Variants in ODAD2 observed in about 807,000 individuals in gnomAD.
The protein encoded by ODAD2 is outer dynein arm-docking complex subunit 2.
Under a neutral mutation model 106.8 loss-of-function variants are expected in ODAD2, and 89 were observed. The observed-to-expected ratio is 0.83, with a 90% CI of 0.70 to 0.99. The LOEUF (loss-of-function observed/expected upper bound fraction) is 0.99. Ranked by LOEUF, ODAD2 falls within the 50% of genes least tolerant of loss-of-function variation. The pLI, the probability that ODAD2 is intolerant of heterozygous loss-of-function variation, is 0.00. For missense variants in ODAD2, 1,168 were observed against 1,238.5 expected (o/e 0.94, Z 0.85); for synonymous variants, 404 against 436.2 (o/e 0.93, Z 0.92).
chr10:27,885,703 T>TTATATATTATATATAA (rs1842111083), intron 17 of ODAD2, among the ~76,000 whole-genome samples: 2 of 51,332 alleles, frequency 3.9e-5, no homozygotes, highest in Non-Finnish European at 7.1e-5. Flanking sequence ...ATAATATATA[T>TTATATATTATATATAA]AAAATATATA....
intron 17 of ODAD2, among the ~76,000 whole-genome samples, chr10:27,876,314 C>A (rs539360420): frequency 6.6e-6 from 1 of 152,272 alleles, no homozygotes; most frequent in East Asian, 1.9e-4. Context: ...CAGACTGACA[C>A]CCCACACTGC....
chr10:27,983,821 A>C, intron 6 of ODAD2, 22 bp downstream of exon 6: 1 of 1,610,564 alleles, frequency 6.2e-7, no homozygotes, highest in Non-Finnish European at 8.5e-7. Flanking sequence ...GGCTTTAGTT[A>C]CGTTTTTAAA....
intron 17 of ODAD2, among the ~76,000 whole-genome samples, chr10:27,869,518 CT>C (rs1252337670): frequency 7.0e-6 from 1 of 142,178 alleles, no homozygotes; most frequent in African/African-American, 2.6e-5. Flanking sequence ...GACTAAGTCA[CT>C]TTTTTTTCTT....
chr10:27,941,883 G>A (rs537455418), intron 12 of ODAD2, among the ~76,000 whole-genome samples: 36 of 152,226 alleles, frequency 2.4e-4, no homozygotes, highest in Middle Eastern at 3.4e-3. Context: ...GGGAATAATA[G>A]CCTAGGCTAG....
At position 27,940,784 on chromosome 10, in the gene ODAD2, G is replaced by A; in HGVS notation, c.1765C>T (p.His589Tyr). Reference protein sequence around the residue: ...TKLVALLDCAHDSTKPAQSSL... With the variant: ...TKLVALLDCAYDSTKPAQSSL... The stretch of plus-strand genomic sequence containing the variant: ...GATTGGGCAGGTTTTGTGGAATCAT[G>A]TGCACAGTCTAGTAGAGCAACCTAT... Residue 589 changes from histidine to tyrosine, a missense_variant, in exon 13 of 20, where the codon CAT (histidine) becomes TAT (tyrosine). Around this residue, in one of 3 missense-constraint regions of ODAD2, gnomAD observed 701 missense variants for 712.3 expected, o/e 0.98. Coordinates refer to ENST00000305242, the MANE Select transcript of ODAD2 (RefSeq NM_018076.5). The A allele has an allele frequency of 1.9e-6, 3 of 1,614,032 alleles. No homozygotes were observed. Among genetic ancestry groups the A allele is most frequent in the Non-Finnish European group, 2.5e-6 (3 of 1,179,952 alleles).
At chr10:27,971,075 T>G in intron 8 of ODAD2, 33 bp downstream of exon 8, 1 of 1,458,988 alleles carries the variant, frequency 6.9e-7, no homozygotes, top group Non-Finnish European at 9.6e-7. Flanking sequence ...TTACTAATGC[T>G]GCATCTGAAA....
intron 19 of ODAD2, among the ~76,000 whole-genome samples, chr10:27,827,064 A>T (rs1031010422): frequency 2.0e-5 from 3 of 152,154 alleles, no homozygotes; most frequent in African/African-American, 7.2e-5. Context: ...ACTTTTCAAT[A>T]ACACTTGTCC....
intron 19 of ODAD2, among the ~76,000 whole-genome samples, chr10:27,829,992 T>A (rs1430377394): frequency 1.3e-5 from 2 of 152,098 alleles, no homozygotes; most frequent in Admixed American, 1.3e-4. Context: ...AAAACTTAAT[T>A]CTTCTATGAA....
intron 7 of ODAD2, among the ~76,000 whole-genome samples, chr10:27,979,970 C>G (rs1462201571): frequency 6.6e-6 from 1 of 152,086 alleles, no homozygotes. Flanking sequence ...ACTATTATAA[C>G]TAAAAGAAAG....
At chr10:27,966,820 G>C (rs1848516091) in intron 9 of ODAD2, among the ~76,000 whole-genome samples, 1 of 151,828 alleles carries the variant, frequency 6.6e-6, no homozygotes, top group African/African-American at 2.4e-5. Context: ...AGATGAAGTA[G>C]ATATACTTTT....
chr10:27,880,140 C>T (rs917651595), intron 17 of ODAD2, among the ~76,000 whole-genome samples: 2 of 152,156 alleles, frequency 1.3e-5, no homozygotes, highest in African/African-American at 2.4e-5. Flanking sequence ...ATCCCTGTAT[C>T]TTTAACAAGT....
chr10:27,930,837 G>A (rs1162501593), intron 16 of ODAD2, among the ~76,000 whole-genome samples: 6 of 152,078 alleles, frequency 3.9e-5, no homozygotes, highest in Non-Finnish European at 8.8e-5. Context: ...TTGTCATTTA[G>A]TTTTGAGCAT....
chr10:27,998,785 AC>A (rs2133259586), intron 1 of ODAD2, among the ~76,000 whole-genome samples: 1 of 151,832 alleles, frequency 6.6e-6, no homozygotes, highest in South Asian at 2.1e-4. Context: ...GAGCGTGGAG[AC>A]CCCCAGCCGC....
chr10:27,988,415 G>A (rs377223404), intron 2 of ODAD2, among the ~76,000 whole-genome samples: 73 of 147,552 alleles, frequency 4.9e-4, no homozygotes, highest in African/African-American at 1.7e-3. Flanking sequence ...TCGGGTCACT[G>A]CAACCTCTGC....
chr10:27,882,509 A>G (rs1841814888), intron 17 of ODAD2, among the ~76,000 whole-genome samples: 2 of 152,208 alleles, frequency 1.3e-5, no homozygotes, highest in South Asian at 4.1e-4. Context: ...TCCATAACAA[A>G]AAGAACACAG....
At chr10:27,905,446 G>C (rs1355239285) in intron 17 of ODAD2, among the ~76,000 whole-genome samples, 1 of 152,100 alleles carries the variant, frequency 6.6e-6, no homozygotes, top group Non-Finnish European at 1.5e-5. Context: ...ACTGCCCAAA[G>C]TAATTTATAG....
chr10:27,946,224 C>A (rs6481496), intron 10 of ODAD2, among the ~76,000 whole-genome samples: 19,204 of 146,582 alleles, frequency 0.13, 1,649 homozygotes, highest in African/African-American at 0.25. Context: ...TAAAAAATAC[C>A]AATATAAAAA....
At chr10:27,894,815 C>G (rs1471934282) in intron 17 of ODAD2, among the ~76,000 whole-genome samples, 1 of 152,066 alleles carries the variant, frequency 6.6e-6, no homozygotes, top group Non-Finnish European at 1.5e-5. Flanking sequence ...ATCCTCCCCA[C>G]TTGGCCTCTC....
In ODAD2 at chr10:27,981,548, T is replaced by C. The variant is rs765707922; in HGVS notation, c.854A>G (p.Glu285Gly). 1 of 1,542,720 alleles carries C rather than the reference T, an allele frequency of 6.5e-7. No individual in the cohort carries two copies. Among genetic ancestry groups the C allele is most frequent in the Admixed American group, 2.5e-5 (1 of 39,778 alleles). ...KTDDEGDVNY[E>G]RKGSIYKNLV... ...GTTTTTATAAATTGAACCTTTTCTC[T>C]CATAATTAACGTCCCCTTCATCATC... The change falls in exon 7 of 20, where the codon GAG becomes GGG. Residue 285 changes from glutamate (E) to glycine (G), a missense_variant. Physicochemically the swap from Glu to Gly is moderately conservative, Grantham distance 98. This residue lies in a region of ODAD2 where 430 missense variants were observed against 452.2 expected (regional missense o/e 0.95). Coordinates refer to ENST00000305242, the MANE Select transcript of ODAD2 (RefSeq NM_018076.5).
Sources: allele counts gnomAD v4.1 joint callset (sites outside exome capture counted in the v4.1 genomes callset), GRCh38; gene constraint gnomAD v4.1.1; regional missense constraint gnomAD v4.1.1; transcripts MANE v1.5; gene names NCBI Gene and HGNC (gene_info 2026-07-23, HGNC 2026-07-21).